The following LARGE1 variants were observed in gnomAD, a reference collection of about 807,000 sequenced individuals.
The protein encoded by LARGE1 is xylosyl- and glucuronyltransferase LARGE1.
Under a neutral mutation model 87.6 loss-of-function variants are expected in LARGE1, and 43 were observed. The observed-to-expected ratio is 0.49, with a 90% CI of 0.38 to 0.63. LARGE1 has a LOEUF of 0.63. Among genes scored for constraint, LARGE1 ranks in the 30% least tolerant of loss-of-function variants. The probability of loss-of-function intolerance (pLI) is 0.00; values close to 1 mark genes in which losing one functional copy is unlikely to be tolerated. For synonymous variants in LARGE1, 434 were observed against 394.6 expected (o/e 1.10, Z -1.18); for missense variants, 802 against 1,000.2 (o/e 0.80, Z 2.67).
At chr22:33,141,660 C>A in the LARGE1 span, among the ~76,000 whole-genome samples, 2 of 152,076 alleles carry the variant, frequency 1.3e-5, no homozygotes, top group African/African-American at 2.4e-5. Context: ...GCATGATGTA[C>A]ATAAACTGAG....
intron 1 of LARGE1, among the ~76,000 whole-genome samples, chr22:33,892,604 C>T (rs1391347726): frequency 6.6e-6 from 1 of 152,220 alleles, no homozygotes; most frequent in African/African-American, 2.4e-5. Flanking sequence ...AAATGATCAT[C>T]TGGCTCTGAA....
At chr22:33,306,709 T>C (rs1032196437) in intron 11 of LARGE1, among the ~76,000 whole-genome samples, 2 of 151,928 alleles carry the variant, frequency 1.3e-5, no homozygotes, top group Non-Finnish European at 2.9e-5. Flanking sequence ...CCATCTCTAC[T>C]AAAAATACAA....
At chr22:33,770,525 AT>A (rs2145809636) in intron 1 of LARGE1, among the ~76,000 whole-genome samples, 1 of 152,166 alleles carries the variant, frequency 6.6e-6, no homozygotes, top group African/African-American at 2.4e-5. Flanking sequence ...CTCTAAAAAA[AT>A]GTAAAGACTT....
At chr22:33,885,652 G>A (rs571374851) in intron 1 of LARGE1, among the ~76,000 whole-genome samples, 121 of 152,286 alleles carry the variant, frequency 7.9e-4, no homozygotes, top group African/African-American at 2.4e-3. Flanking sequence ...GGCATAAGCA[G>A]CTCAGCTACC....
chr22:33,570,504 T>C (rs1423871564), intron 5 of LARGE1, among the ~76,000 whole-genome samples: 1 of 151,818 alleles, frequency 6.6e-6, no homozygotes, highest in Admixed American at 6.6e-5. Flanking sequence ...AAAAATTAGT[T>C]GGGCATGGTG....
chr22:33,229,210 T>C (rs1925880970), intron 11 of LARGE1, among the ~76,000 whole-genome samples: 1 of 152,170 alleles, frequency 6.6e-6, no homozygotes, highest in Non-Finnish European at 1.5e-5. Context: ...TATGTAAGGA[T>C]AGTTCCAAGA....
At chr22:33,782,153 T>C (rs570481959) in intron 1 of LARGE1, among the ~76,000 whole-genome samples, 1 of 152,358 alleles carries the variant, frequency 6.6e-6, no homozygotes, top group South Asian at 2.1e-4. Flanking sequence ...TGGGTTCTGC[T>C]GTTTGTTTTA....
At chr22:33,296,246 C>T (rs1933232146) in intron 12 of LARGE1, among the ~76,000 whole-genome samples, 1 of 152,232 alleles carries the variant, frequency 6.6e-6, no homozygotes, top group Non-Finnish European at 1.5e-5. Flanking sequence ...ATTCAGATCC[C>T]ACTTGCATGG....
chr22:33,562,732 C>T (rs892867830), intron 6 of LARGE1, among the ~76,000 whole-genome samples: 1 of 152,144 alleles, frequency 6.6e-6, no homozygotes, highest in African/African-American at 2.4e-5. Flanking sequence ...CTACAGAGCG[C>T]CACTAGCACT....
chr22:33,228,087 A>G (rs1464562156), intron 11 of LARGE1, among the ~76,000 whole-genome samples: 2 of 152,232 alleles, frequency 1.3e-5, no homozygotes, highest in African/African-American at 4.8e-5. Flanking sequence ...CCAGATTTGA[A>G]TACTGGCTCT....
At chr22:33,264,319 C>G (rs1368873347) in intron 11 of LARGE1, among the ~76,000 whole-genome samples, 2 of 152,228 alleles carry the variant, frequency 1.3e-5, no homozygotes, top group Admixed American at 6.5e-5. Flanking sequence ...ATGAAGAAAT[C>G]AGGCCTAAAT....
rs568383420 is a variant in LARGE1, at chr22:33,665,823, C to T, written c.107-15155G>A. ...AGGAGAATGGTGTGAACCCAGGAGG[C>T]GGAGCTTGCAGTGAGCCGAGATCGT... is the stretch of plus-strand genomic sequence containing the variant. On this transcript the variant is annotated intron_variant, in intron 2 of 14. Coordinates refer to ENST00000397394, the MANE Select transcript of LARGE1 (RefSeq NM_133642.5). Among the ~76,000 whole-genome samples, 10 of 151,854 alleles carry T rather than the reference C, an allele frequency of 6.6e-5. No individual in the cohort carries two copies. The South Asian group carries it at 8.3e-4, about 13-fold the overall frequency.
At chr22:33,299,342 G>C (rs1173298424) in intron 12 of LARGE1, among the ~76,000 whole-genome samples, 1 of 152,068 alleles carries the variant, frequency 6.6e-6, no homozygotes, top group Non-Finnish European at 1.5e-5. Flanking sequence ...AAGGGAAAGG[G>C]GAGGGAGAGT....
At chr22:33,517,194 TA>T (rs2071351150) in intron 6 of LARGE1, among the ~76,000 whole-genome samples, 1 of 152,108 alleles carries the variant, frequency 6.6e-6, no homozygotes, top group African/African-American at 2.4e-5. Context: ...ACTAGAAAGC[TA>T]ACTCTGGATT....
chr22:33,645,275 G>A lies in LARGE1; in HGVS notation c.408+5092C>T, dbSNP rs141109952. On this transcript the variant is annotated intron_variant, in intron 3 of 14. Transcript: ENST00000397394. ...AGACCAATGAAACAGAACAGAGGCCGCAGAAATTAACCACACATTTACAAC... is the reference window on the plus strand; with the variant it reads ...AGACCAATGAAACAGAACAGAGGCCACAGAAATTAACCACACATTTACAAC... Among the ~76,000 whole-genome samples, 599 of 152,200 alleles carry A rather than the reference G, an allele frequency of 3.9e-3. 16 individuals carry two copies. Among genetic ancestry groups the A allele is most frequent in the Admixed American group, 0.037 (558 of 15,280 alleles).
In LARGE1 at chr22:33,825,385, TGC is replaced by T. The variant is rs1352533405; in HGVS notation, c.-82-63829_-82-63828del. Among the ~76,000 whole-genome samples, 7 of 125,610 alleles carry T rather than the reference TGC, an allele frequency of 5.6e-5. No homozygotes were observed. The East Asian group carries it at 8.9e-4, about 16-fold the overall frequency. The allele number at this position is 125,610 out of a possible 152,430, so 82.4% of individuals were successfully genotyped here. A position where few individuals can be genotyped will look rare whatever the true frequency, so the allele number is the denominator to read the frequency against. On this transcript the variant is annotated intron_variant, in intron 1 of 14. Transcript: ENST00000397394. The stretch of plus-strand genomic sequence containing the variant: ...AAAGACATACCCGAGACTGGGTAAT[TGC>T]TAATAAAGACATACCCGAGACTGGG...
intron 1 of LARGE1, among the ~76,000 whole-genome samples, chr22:33,770,408 G>A (rs146102031): frequency 1.3e-5 from 2 of 152,230 alleles, no homozygotes; most frequent in African/African-American, 2.4e-5. Context: ...CATGCCAGGT[G>A]CAGTGGCTCA....
intron 5 of LARGE1, among the ~76,000 whole-genome samples, chr22:33,575,569 G>A (rs538350492): frequency 6.6e-6 from 1 of 152,282 alleles, no homozygotes; most frequent in East Asian, 1.9e-4. Context: ...TAGCAACTTA[G>A]AAGGAAATGT....
At chr22:33,741,971 T>C (rs554758626) in intron 2 of LARGE1, among the ~76,000 whole-genome samples, 1 of 152,282 alleles carries the variant, frequency 6.6e-6, no homozygotes, top group African/African-American at 2.4e-5. Flanking sequence ...CACTCACAAA[T>C]GAGAACGTAC....
Sources: gnomAD v4.1 joint callset for allele counts (sites outside exome capture counted in the v4.1 genomes callset) on GRCh38, gnomAD v4.1.1 for gene constraint, MANE v1.5 for transcripts, NCBI Gene and HGNC (gene_info 2026-07-23, HGNC 2026-07-21) for gene names.